The following BAZ1A variants were observed in gnomAD, a reference collection of about 807,000 sequenced individuals.
BAZ1A encodes bromodomain adjacent to zinc finger domain 1A.
BAZ1A carries 50 observed loss-of-function variants against 185.2 expected under a neutral mutation model. That is an observed-to-expected ratio of 0.27 (90% confidence interval 0.22 to 0.34). The LOEUF (loss-of-function observed/expected upper bound fraction) is 0.34, where lower values mean the gene tolerates loss of function less well. BAZ1A is among the 10% of genes least tolerant of loss of function. The pLI is 1.00. For missense variants in BAZ1A, 1,356 were observed against 1,839.9 expected (o/e 0.74, Z 4.81); for synonymous variants, 571 against 615.6 (o/e 0.93, Z 1.07).
intron 3 of BAZ1A, among the ~76,000 whole-genome samples, chr14:34,840,929 G>T (rs1250842799): frequency 6.6e-6 from 1 of 150,452 alleles, no homozygotes; most frequent in African/African-American, 2.4e-5. Flanking sequence ...CATCCTTAGG[G>T]TACATTTATA....
At chr14:34,865,000 TCTC>T (rs1380043237) in intron 2 of BAZ1A, among the ~76,000 whole-genome samples, 4 of 147,886 alleles carry the variant, frequency 2.7e-5, no homozygotes, top group Non-Finnish European at 4.5e-5. Context: ...ATGGTCTTGA[TCTC>T]CTGACCTGGT....
chr14:34,765,207 A>G lies in BAZ1A; in HGVS notation c.3363T>C (p.Leu1121=). The stretch of plus-strand genomic sequence containing the variant: ...AAACTTGGGATAGACTAGCAGAAGA[A>G]AGGAGAGACTCTCTCCAACGGTCCA... The part of the protein sequence containing the change: ...TVLDRWRESL[L]SSASLSQVFL... Residue 1121 remains leucine, a synonymous_variant, in exon 22 of 27, where the codon CTT becomes CTC. Transcript: ENST00000360310. The G allele has an allele frequency of 6.2e-7, 1 of 1,614,158 alleles. No homozygotes were observed. The highest frequency in any genetic ancestry group is 1.1e-5 in the South Asian group (1 of 91,082).
chr14:34,777,637 C>G (rs1357708694), intron 17 of BAZ1A, among the ~76,000 whole-genome samples: 1 of 123,282 alleles, frequency 8.1e-6, no homozygotes, highest in Non-Finnish European at 1.7e-5. Context: ...GAGTGAGACT[C>G]TGTCTCCAAA....
chr14:34,805,880 T>G (rs961664404), intron 6 of BAZ1A, among the ~76,000 whole-genome samples: 1 of 148,498 alleles, frequency 6.7e-6, no homozygotes, highest in African/African-American at 2.6e-5. Flanking sequence ...AATCTACACA[T>G]GACTTTTTTT....
At chr14:34,801,015 G>A (rs908184083) in intron 8 of BAZ1A, 79 bp downstream of exon 8, 49 of 992,584 alleles carry the variant, frequency 4.9e-5, no homozygotes, top group Admixed American at 6.7e-5. Flanking sequence ...ATGCCATTTC[G>A]GAAACATCCC....
chr14:34,785,862 T>C lies in BAZ1A; in HGVS notation c.1746A>G (p.Thr582=). The C allele has an allele frequency of 6.2e-7, 1 of 1,614,150 alleles. No individual in the cohort carries two copies. The highest frequency in any genetic ancestry group is 8.5e-7 in the Non-Finnish European group (1 of 1,180,028). The stretch of plus-strand genomic sequence containing the variant: ...AACGAAGCTCCATACAAGCATCATC[T>C]GTAGCATCAAATCCTCCTCGTTTTT... The part of the protein sequence containing the change: ...RYQKRGGFDA[T]DDACMELRLS... The change falls in exon 14 of 27, where the codon ACA becomes ACG. Residue 582 remains threonine (T), a synonymous_variant. Transcript: ENST00000360310.
chr14:34,808,128 T>C (rs369305781), intron 5 of BAZ1A, among the ~76,000 whole-genome samples: 1 of 151,654 alleles, frequency 6.6e-6, no homozygotes, highest in Admixed American at 6.6e-5. Context: ...AAGGAAAATA[T>C]GCTATAGAGA....
intron 4 of BAZ1A, among the ~76,000 whole-genome samples, chr14:34,813,878 A>G (rs1362558942): frequency 1.3e-5 from 2 of 151,854 alleles, no homozygotes; most frequent in Non-Finnish European, 2.9e-5. Context: ...CCTCGTCTCT[A>G]CTGAAAATAC....
intron 3 of BAZ1A, among the ~76,000 whole-genome samples, chr14:34,838,830 A>G (rs1389741368): frequency 6.6e-6 from 1 of 152,064 alleles, no homozygotes; most frequent in African/African-American, 2.4e-5. Context: ...TGGCCAGGAA[A>G]CAATTATTTT....
intron 24 of BAZ1A, among the ~76,000 whole-genome samples, chr14:34,759,170 A>ATT (rs1886399184): frequency 4.9e-5 from 4 of 80,944 alleles, no homozygotes; most frequent in East Asian, 5.0e-4. Context: ...TTACAGCTAC[A>ATT]GTTTTTTTTT....
chr14:34,843,596 A>G (rs912828181), intron 3 of BAZ1A, among the ~76,000 whole-genome samples: 1 of 152,172 alleles, frequency 6.6e-6, no homozygotes, highest in Non-Finnish European at 1.5e-5. Context: ...TGTAAGAGTA[A>G]TGTTTACTGA....
At chr14:34,763,722 T>C (rs1018580597) in intron 23 of BAZ1A, among the ~76,000 whole-genome samples, 1 of 152,220 alleles carries the variant, frequency 6.6e-6, no homozygotes, top group Non-Finnish European at 1.5e-5. Flanking sequence ...TGTCAGATGA[T>C]TGTTAGCATA....
intron 3 of BAZ1A, among the ~76,000 whole-genome samples, chr14:34,829,483 C>T (rs1198561538): frequency 1.3e-5 from 2 of 152,042 alleles, no homozygotes; most frequent in African/African-American, 4.8e-5. Context: ...TTATAATCTG[C>T]TCTTCAATGT....
chr14:34,771,290 T>C, intron 21 of BAZ1A: 1 of 461,868 alleles, frequency 2.2e-6, no homozygotes, highest in Non-Finnish European at 3.8e-6. Context: ...TGAGCCACTG[T>C]GCCTAGCTGG....
At chr14:34,850,334 C>T (rs949251710) in intron 3 of BAZ1A, among the ~76,000 whole-genome samples, 1 of 152,034 alleles carries the variant, frequency 6.6e-6, no homozygotes, top group Non-Finnish European at 1.5e-5. Context: ...CCTGAGATCC[C>T]ACCACTGCAC....
intron 14 of BAZ1A, 59 bp from the exon 15 acceptor site, chr14:34,783,986 A>G: frequency 6.9e-7 from 1 of 1,440,508 alleles, no homozygotes; most frequent in Non-Finnish European, 9.3e-7. Flanking sequence ...ACTGTGTTTG[A>G]ACTTTTTAAA....
intron 21 of BAZ1A, among the ~76,000 whole-genome samples, chr14:34,770,878 C>A (rs569166765): frequency 6.6e-6 from 1 of 152,154 alleles, no homozygotes; most frequent in South Asian, 2.1e-4. Context: ...TATCATCAAA[C>A]TATGCCCCAA....
chr14:34,773,259 A>G (rs1879345465), intron 20 of BAZ1A, among the ~76,000 whole-genome samples: 2 of 152,146 alleles, frequency 1.3e-5, no homozygotes, highest in South Asian at 4.1e-4. Flanking sequence ...AAGTTTTCCT[A>G]TAGAAAAGAA....
chr14:34,768,261 A>G (rs1878980897), intron 21 of BAZ1A, among the ~76,000 whole-genome samples: 1 of 152,172 alleles, frequency 6.6e-6, no homozygotes, highest in Admixed American at 6.5e-5. Flanking sequence ...AATGGCCACT[A>G]TACAGTAATC....
Sources: allele counts gnomAD v4.1 joint callset (sites outside exome capture counted in the v4.1 genomes callset), GRCh38; gene constraint gnomAD v4.1.1; transcripts MANE v1.5; gene names NCBI Gene and HGNC (gene_info 2026-07-23, HGNC 2026-07-21).